CPVL: variants seen among roughly 807,000 people sequenced by gnomAD.
CPVL encodes carboxypeptidase vitellogenic like.
CPVL carries 51 observed loss-of-function variants against 63.7 expected under a neutral mutation model. The observed-to-expected ratio is 0.80, with a 90% confidence interval of 0.64 to 1.01. CPVL has a LOEUF of 1.01. CPVL is among the 50% of genes least tolerant of loss of function. The probability of loss-of-function intolerance (pLI) is 0.00; values close to 1 mark genes in which losing one functional copy is unlikely to be tolerated. For missense variants in CPVL, 530 were observed against 573.1 expected (o/e 0.92, Z 0.77); for synonymous variants, 195 against 206.0 (o/e 0.95, Z 0.46).
intron 12 of CPVL, among the ~76,000 whole-genome samples, chr7:29,019,311 C>T (rs1486358270): frequency 6.6e-6 from 1 of 152,178 alleles, no homozygotes; most frequent in Non-Finnish European, 1.5e-5. Context: ...GTGTCCAATC[C>T]TTAAAATGGC....
chr7:29,013,204 A>G (rs553632692), intron 12 of CPVL: 3 of 152,376 alleles, frequency 2.0e-5, no homozygotes, highest in African/African-American at 7.2e-5. Context: ...TGGAGAGAGC[A>G]CTGGAGGAGA....
chr7:29,124,204 C>A (rs1275401156), intron 1 of CPVL, among the ~76,000 whole-genome samples: 1 of 152,050 alleles, frequency 6.6e-6, no homozygotes, highest in Admixed American at 6.6e-5. Context: ...ATTTATTGAA[C>A]ATTTATTGAG....
intron 5 of CPVL, among the ~76,000 whole-genome samples, chr7:29,170,782 T>TG (rs370952877): frequency 1.9e-3 from 287 of 152,112 alleles, no homozygotes; most frequent in African/African-American, 6.2e-3. Context: ...ATATGGCTGG[T>TG]GGGGGGGCCT....
intron 2 of CPVL, among the ~76,000 whole-genome samples, chr7:29,117,404 T>A (rs2128636262): frequency 6.6e-6 from 1 of 152,326 alleles, no homozygotes; most frequent in African/African-American, 2.4e-5. Context: ...AACACCATGG[T>A]CACTTTCACT....
chr7:29,036,375 G>A (rs1255065367), intron 11 of CPVL, among the ~76,000 whole-genome samples: 27 of 152,150 alleles, frequency 1.8e-4, no homozygotes, highest in Admixed American at 1.8e-3. Flanking sequence ...TCCTTCTCAA[G>A]CAAGTTGATC....
intron 1 of CPVL, among the ~76,000 whole-genome samples, chr7:29,129,575 T>C (rs923887093): frequency 2.0e-4 from 30 of 151,580 alleles, no homozygotes; most frequent in Admixed American, 5.3e-4. Flanking sequence ...TTCAAGCAAT[T>C]CCCCTGCCTC....
chr7:29,090,448 A>G (rs2128603063), intron 6 of CPVL, among the ~76,000 whole-genome samples: 1 of 152,354 alleles, frequency 6.6e-6, no homozygotes, highest in Non-Finnish European at 1.5e-5. Context: ...AACACTACAT[A>G]TCATTTCCCA....
intron 1 of CPVL, among the ~76,000 whole-genome samples, chr7:29,136,234 G>C (rs1234232008): frequency 6.6e-6 from 1 of 152,178 alleles, no homozygotes; most frequent in Non-Finnish European, 1.5e-5. Flanking sequence ...TTACAGTTCT[G>C]TCAGCAAGTT....
chr7:29,082,775 G>A (rs1003078840), intron 7 of CPVL, among the ~76,000 whole-genome samples: 1 of 152,278 alleles, frequency 6.6e-6, no homozygotes, highest in Non-Finnish European at 1.5e-5. Flanking sequence ...AAACCACAAG[G>A]CAGATGTGAA....
At chr7:29,080,198 C>G (rs1242352807) in intron 7 of CPVL, 2 of 152,056 alleles carry the variant, frequency 1.3e-5, no homozygotes, top group Non-Finnish European at 2.9e-5. Context: ...ACAACAAACC[C>G]CTATGACACG....
chr7:29,085,979 T>C (rs1042988125), intron 7 of CPVL, among the ~76,000 whole-genome samples: 8 of 152,106 alleles, frequency 5.3e-5, no homozygotes, highest in African/African-American at 9.7e-5. Flanking sequence ...TGAGCATGCA[T>C]TGGGCCCTGG....
At chr7:29,090,240 T>C (rs966157872) in intron 6 of CPVL, among the ~76,000 whole-genome samples, 17 of 126,526 alleles carry the variant, frequency 1.3e-4, no homozygotes, top group Admixed American at 5.1e-4. Flanking sequence ...TGCCTTGCAC[T>C]GGACCGATAC....
chr7:29,188,418 C>T (rs1176069520), intron 1 of CPVL, among the ~76,000 whole-genome samples: 1 of 152,178 alleles, frequency 6.6e-6, no homozygotes, highest in East Asian at 1.9e-4. Flanking sequence ...CTTTGTTTTA[C>T]AGACAATCTG....
At chr7:29,128,202 T>C (rs1421440839) in intron 1 of CPVL, 1 of 150,762 alleles carries the variant, frequency 6.6e-6, no homozygotes, top group Non-Finnish European at 1.5e-5. Context: ...TTTTTTTTTT[T>C]TTAAACCAAG....
intron 5 of CPVL, among the ~76,000 whole-genome samples, chr7:29,154,304 G>A (rs148679882): frequency 0.012 from 1,795 of 152,236 alleles, 24 homozygotes; most frequent in African/African-American, 0.041. Context: ...TGGAGATCAG[G>A]CCCCTCTCCA....
intron 12 of CPVL, among the ~76,000 whole-genome samples, chr7:29,008,673 C>A (rs1025071421): frequency 1.3e-5 from 2 of 151,952 alleles, no homozygotes; most frequent in East Asian, 3.9e-4. Context: ...GTTTCTATGC[C>A]GAGCACTAGG....
chr7:29,135,332 T>C (rs566280896), intron 1 of CPVL, among the ~76,000 whole-genome samples: 71 of 149,308 alleles, frequency 4.8e-4, no homozygotes, highest in African/African-American at 1.5e-3. Context: ...AAAATTGTAT[T>C]AGATTTTTTT....
chr7:29,027,230 CA>C (rs1414610822), intron 12 of CPVL, among the ~76,000 whole-genome samples: 7 of 152,100 alleles, frequency 4.6e-5, no homozygotes, highest in Admixed American at 4.6e-4. Flanking sequence ...GAATGAAAGA[CA>C]AAAACTGTAA....
intron 3 of CPVL, among the ~76,000 whole-genome samples, chr7:29,096,995 A>G: frequency 6.6e-6 from 1 of 151,396 alleles, no homozygotes; most frequent in East Asian, 1.9e-4. Flanking sequence ...AAAAAAAAAA[A>G]AAAAAAAAAA....
Sources: gnomAD v4.1 joint callset for allele counts (sites outside exome capture counted in the v4.1 genomes callset) on GRCh38, gnomAD v4.1.1 for gene constraint, MANE v1.5 for transcripts, NCBI Gene and HGNC (gene_info 2026-07-23, HGNC 2026-07-21) for gene names.